The following RNF130 variants were observed in gnomAD, a reference collection of about 807,000 sequenced individuals.
RNF130 encodes ring finger protein 130, also known as E3 ubiquitin-protein ligase RNF130.
Under a neutral mutation model 44.6 loss-of-function variants are expected in RNF130, and 21 were observed. That is an observed-to-expected ratio of 0.47 (90% CI 0.33 to 0.68). RNF130 has a LOEUF of 0.68. RNF130 is among the 30% of genes least tolerant of loss of function. RNF130 has a pLI of 0.02. For missense variants in RNF130, 479 were observed against 560.6 expected (o/e 0.85, Z 1.47); for synonymous variants, 214 against 210.4 (o/e 1.02, Z -0.15).
chr5:179,973,511 T>C (rs1561675669), intron 5 of RNF130, among the ~76,000 whole-genome samples: 1 of 152,232 alleles, frequency 6.6e-6, no homozygotes, highest in African/African-American at 2.4e-5. Flanking sequence ...GGGCGTTTAA[T>C]CTACCTTGGG....
At chr5:179,975,459 G>C (rs1400702856) in intron 5 of RNF130, among the ~76,000 whole-genome samples, 1 of 152,208 alleles carries the variant, frequency 6.6e-6, no homozygotes, top group Non-Finnish European at 1.5e-5. Flanking sequence ...TGCCAAGGCT[G>C]AGAAATGCTG....
In RNF130 at chr5:179,966,496, A is replaced by G. The variant is rs540522277; in HGVS notation, c.1150+310T>C. On this transcript the variant is annotated intron_variant, in intron 7 of 8. Transcript: ENST00000521389. ...CTGGGGGACTGTGTCACCTTCCAACATCTCCCTTTAAATGCCTGTTTGTAA... is the reference window on the plus strand; with the variant it reads ...CTGGGGGACTGTGTCACCTTCCAACGTCTCCCTTTAAATGCCTGTTTGTAA... Among the ~76,000 whole-genome samples the G allele has an allele frequency of 2.6e-5, 4 of 152,212 alleles. No individual in the cohort carries two copies. The East Asian group carries it at 7.7e-4, about 29-fold the overall frequency.
At chr5:180,052,479 G>A (rs185946295) in intron 1 of RNF130, among the ~76,000 whole-genome samples, 3 of 152,198 alleles carry the variant, frequency 2.0e-5, no homozygotes, top group Non-Finnish European at 2.9e-5. Context: ...CCAGAGCAGC[G>A]CCTGAAGGCA....
chr5:180,056,032 T>C (rs936714668), intron 1 of RNF130, among the ~76,000 whole-genome samples: 2 of 151,862 alleles, frequency 1.3e-5, no homozygotes, highest in Non-Finnish European at 2.9e-5. Context: ...TGCAGTGAGC[T>C]GAGATGGTGT....
At chr5:179,974,516 C>T (rs539210382) in intron 5 of RNF130, among the ~76,000 whole-genome samples, 10 of 152,302 alleles carry the variant, frequency 6.6e-5, no homozygotes, top group South Asian at 6.2e-4. Flanking sequence ...GGAAACGTCA[C>T]GTGGCAAGAA....
At chr5:179,962,904 G>A (rs1186886924) in intron 8 of RNF130, among the ~76,000 whole-genome samples, 1 of 152,140 alleles carries the variant, frequency 6.6e-6, no homozygotes, top group Non-Finnish European at 1.5e-5. Flanking sequence ...CATGGAGCCT[G>A]CTCTTTGGTC....
Position 179,968,322 on chromosome 5 carries a change from A to G in RNF130, c.946-1312T>C, listed in dbSNP as rs531219714. On this transcript the variant is annotated intron_variant, in intron 6 of 8. Transcript: ENST00000521389. ...CAAACAAACAAACAAACAAAAAAAGAAGGCGGCGGCTAGCGGTAACAACAG... is the reference window on the plus strand; with the variant it reads ...CAAACAAACAAACAAACAAAAAAAGGAGGCGGCGGCTAGCGGTAACAACAG... Among the ~76,000 whole-genome samples, 15 of 150,772 alleles carry G rather than the reference A, an allele frequency of 9.9e-5. No individual in the cohort carries two copies. The East Asian group carries it at 2.4e-3, about 24-fold the overall frequency.
At chr5:179,932,404 T>C (rs1761821738) in intron 7 of RNF130, among the ~76,000 whole-genome samples, 1 of 151,764 alleles carries the variant, frequency 6.6e-6, no homozygotes, top group African/African-American at 2.4e-5. Context: ...ACTACAGACA[T>C]GCGCCACCAC....
chr5:179,931,024 C>G (rs1761799803), intron 7 of RNF130, among the ~76,000 whole-genome samples: 1 of 133,876 alleles, frequency 7.5e-6, no homozygotes, highest in African/African-American at 2.9e-5. Context: ...CAGACCAAAC[C>G]TCTGTCTCAA....
chr5:179,980,170 T>C lies in RNF130; in HGVS notation c.724A>G (p.Ile242Val), dbSNP rs564510543. Residue 242 changes from isoleucine to valine, a missense_variant, in exon 4 of 9, where the codon ATC (isoleucine) becomes GTC (valine). By Grantham distance (29) the Ile-to-Val change is conservative. Around this residue, in one of 3 missense-constraint regions of RNF130, gnomAD observed 180 missense variants for 275.1 expected, o/e 0.65. Coordinates refer to ENST00000521389, the MANE Select transcript of RNF130 (RefSeq NM_018434.6). ...ACTGTCCTGGTTGTCAATTTACTGA[T>C]GGCTTTCTTGGCTGCATCTCCGAGA... ...RRLGDAAKKA[I>V]SKLTTRTVKK... 6 of 1,614,176 alleles carry C rather than the reference T, an allele frequency of 3.7e-6. No individual in the cohort carries two copies. Among genetic ancestry groups the C allele is most frequent in the Admixed American group, 1.7e-5 (1 of 60,030 alleles).
At chr5:179,965,120 G>A (rs962529154) in intron 7 of RNF130, among the ~76,000 whole-genome samples, 18 of 152,200 alleles carry the variant, frequency 1.2e-4, no homozygotes, top group African/African-American at 3.9e-4. Context: ...CTACCATCCC[G>A]TATTTGCATG....
At chr5:179,976,221 A>G (rs751470162) in intron 5 of RNF130, among the ~76,000 whole-genome samples, 7 of 152,226 alleles carry the variant, frequency 4.6e-5, no homozygotes, top group Non-Finnish European at 7.3e-5. Context: ...GTCAACACTG[A>G]AGGGATGAAG....
intron 3 of RNF130, among the ~76,000 whole-genome samples, chr5:179,981,611 C>T (rs781204690): frequency 6.6e-6 from 1 of 152,192 alleles, no homozygotes; most frequent in Non-Finnish European, 1.5e-5. Flanking sequence ...CATAATTTCA[C>T]CCATAAAATT....
chr5:180,067,457 G>A (rs1300003949), intron 1 of RNF130, among the ~76,000 whole-genome samples: 1 of 152,138 alleles, frequency 6.6e-6, no homozygotes, highest in Non-Finnish European at 1.5e-5. Flanking sequence ...TGTAGATAAC[G>A]TTTAGAGGTT....
chr5:179,969,479 G>A (rs980767810), intron 6 of RNF130, among the ~76,000 whole-genome samples: 1 of 152,084 alleles, frequency 6.6e-6, no homozygotes, highest in African/African-American at 2.4e-5. Flanking sequence ...ACAGCATACA[G>A]CCTACCTTCT....
At chr5:180,029,663 C>T (rs1764077773) in intron 2 of RNF130, among the ~76,000 whole-genome samples, 1 of 152,046 alleles carries the variant, frequency 6.6e-6, no homozygotes, top group Non-Finnish European at 1.5e-5. Context: ...CCATGTAGTC[C>T]AACGTAGCTG....
exon 8 of RNF130, chr5:179,911,950 GTTCT>G (rs1363409075): frequency 6.6e-6 from 1 of 152,184 alleles, no homozygotes; most frequent in Non-Finnish European, 1.5e-5. Context: ...AATATTGACT[GTTCT>G]TTCTGGCACA....
intron 7 of RNF130, among the ~76,000 whole-genome samples, chr5:179,926,454 T>A (rs1025448377): frequency 6.6e-6 from 1 of 152,154 alleles, no homozygotes; most frequent in African/African-American, 2.4e-5. Context: ...GAGACCAGTC[T>A]GGCCAACATG....
chr5:179,924,560 G>A (rs2113671902), intron 7 of RNF130, among the ~76,000 whole-genome samples: 2 of 151,986 alleles, frequency 1.3e-5, no homozygotes, highest in South Asian at 4.1e-4. Context: ...CACTTTGGGA[G>A]GCCGAGGTGG....
Sources: allele counts gnomAD v4.1 joint callset (sites outside exome capture counted in the v4.1 genomes callset), GRCh38; gene constraint gnomAD v4.1.1; regional missense constraint gnomAD v4.1.1; transcripts MANE v1.5; gene names NCBI Gene and HGNC (gene_info 2026-07-23, HGNC 2026-07-21).